The following KERA variants were observed in gnomAD, a reference collection of about 807,000 sequenced individuals.
The protein encoded by KERA is keratocan, also known as keratan sulfate proteoglycan keratocan.
KERA carries 25 observed loss-of-function variants against 26.4 expected under a neutral mutation model. The ratio of observed to expected loss-of-function variants is 0.95; its 90% CI spans 0.69 to 1.32. The LOEUF is 1.32. Among genes scored for constraint, KERA ranks in the 40% most tolerant of loss-of-function variants. KERA has a pLI of 0.00. For synonymous variants in KERA, 167 were observed against 146.1 expected (o/e 1.14, Z -1.03); for missense variants, 434 against 408.9 (o/e 1.06, Z -0.53).
At chr12:91,057,333 A>G (rs1345465255) in intron 1 of KERA, among the ~76,000 whole-genome samples, 1 of 145,204 alleles carries the variant, frequency 6.9e-6, no homozygotes, top group African/African-American at 2.5e-5. Context: ...ATATACATAT[A>G]TATTTTAATA....
At chr12:91,055,080 AC>A (rs1405466492) in intron 2 of KERA, among the ~76,000 whole-genome samples, 1 of 151,098 alleles carries the variant, frequency 6.6e-6, no homozygotes, top group African/African-American at 2.4e-5. Flanking sequence ...AAATAAGCCT[AC>A]CCAATGGGGC....
At chr12:91,057,413 G>A (rs983512728) in intron 1 of KERA, among the ~76,000 whole-genome samples, 2 of 149,310 alleles carry the variant, frequency 1.3e-5, no homozygotes, top group Admixed American at 6.7e-5. Flanking sequence ...TCTGACCAAT[G>A]TACATTTATT....
At chr12:91,052,338 T>C (rs1450584128) in intron 2 of KERA, among the ~76,000 whole-genome samples, 1 of 151,488 alleles carries the variant, frequency 6.6e-6, no homozygotes, top group Non-Finnish European at 1.5e-5. Flanking sequence ...ACAGCTGATT[T>C]CAACCATGAA....
intron 2 of KERA, 58 bp from the exon 3 acceptor site, chr12:91,051,576 G>A: frequency 7.6e-7 from 1 of 1,322,944 alleles, no homozygotes; most frequent in South Asian, 1.2e-5. Flanking sequence ...CTAACAGTGG[G>A]AAGACCAAAA....
chr12:91,054,076 A>G (rs1000377132), intron 2 of KERA, among the ~76,000 whole-genome samples: 2 of 151,314 alleles, frequency 1.3e-5, no homozygotes, highest in African/African-American at 2.4e-5. Context: ...TTTTGACTAC[A>G]GGATTAAACA....
In KERA at chr12:91,051,169, G is replaced by A. The variant is rs1204338930; in HGVS notation, c.*177C>T. On this transcript the variant is annotated 3_prime_UTR_variant, in exon 3 of 3. Coordinates refer to ENST00000266719, the MANE Select transcript of KERA (RefSeq NM_007035.4). ...TTAAAAGAAAAGCAAATTAATGCAG[G>A]CTGTGATGCATGTAACTGGCAAAAG... The A allele has an allele frequency of 1.7e-6, 1 of 599,860 alleles. No individual in the cohort carries two copies. Among genetic ancestry groups the A allele is most frequent in the Non-Finnish European group, 3.0e-6 (1 of 330,440 alleles). 37.2% of individuals were successfully genotyped at this position (599,860 alleles called of 1,614,324 possible).
At chr12:91,052,467 C>T (rs1878891967) in intron 2 of KERA, among the ~76,000 whole-genome samples, 1 of 151,588 alleles carries the variant, frequency 6.6e-6, no homozygotes, top group Admixed American at 6.6e-5. Context: ...TATATAGATT[C>T]ATATTGTAGT....
At position 91,055,666 on chromosome 12, in the gene KERA, T is replaced by G; in HGVS notation, c.616A>C (p.Asn206His). The G allele has an allele frequency of 6.2e-7, 1 of 1,611,384 alleles. No individual in the cohort carries two copies. The highest frequency in any genetic ancestry group is 8.5e-7 in the Non-Finnish European group (1 of 1,178,222). The change falls in exon 2 of 3, where the codon AAT becomes CAT. Residue 206 changes from asparagine (N) to histidine (H), a missense_variant. Coordinates refer to ENST00000266719, the MANE Select transcript of KERA (RefSeq NM_007035.4). ...QLNMAKNALR[N>H]MPPRLPANTM... ...TTGGCTGGTAATCTTGGAGGCATAT[T>G]CCTCAGGGCATTCTTGGCCATGTTT...
intron 2 of KERA, among the ~76,000 whole-genome samples, chr12:91,052,858 T>G (rs1003844265): frequency 8.4e-5 from 12 of 143,002 alleles, no homozygotes; most frequent in Non-Finnish European, 1.5e-5. Flanking sequence ...TGTCCCATAA[T>G]CAATGTATGT....
At position 91,050,732 on chromosome 12, in the gene KERA, C is replaced by A. The variant is rs915677068; in HGVS notation, c.*614G>T. 6.6e-6 allele frequency: 1 copy of A among 152,186 alleles called. No individual in the cohort carries two copies. The highest frequency in any genetic ancestry group is 1.5e-5 in the Non-Finnish European group (1 of 67,884). The allele number at this position is 152,186 out of a possible 1,614,324, so 9.4% of individuals were successfully genotyped here. The stretch of plus-strand genomic sequence containing the variant: ...AGTGGACTATATCTAAAAACAACAG[C>A]TACAAGAAATGGTAATGAACTAGAA... On this transcript the variant is annotated 3_prime_UTR_variant, in exon 3 of 3. Transcript: ENST00000266719.
At chr12:91,056,346 T>C (rs1879005676) in intron 1 of KERA, 57 bp from the exon 2 acceptor site, 11 of 1,358,302 alleles carry the variant, frequency 8.1e-6, no homozygotes, top group Non-Finnish European at 1.1e-5. Context: ...TTTAGATAAT[T>C]TTATACATCA....
chr12:91,054,634 C>A (rs911211368), intron 2 of KERA, among the ~76,000 whole-genome samples: 1 of 151,322 alleles, frequency 6.6e-6, no homozygotes, highest in Non-Finnish European at 1.5e-5. Flanking sequence ...TTGAATTCAT[C>A]TCTCACTCCC....
At chr12:91,051,543 A>T (rs1481037064) in intron 2 of KERA, 25 bp from the exon 3 acceptor site, 1 of 1,552,060 alleles carries the variant, frequency 6.4e-7, no homozygotes, top group South Asian at 1.1e-5. Context: ...AGAATAGATG[A>T]ATGAATTGGA....
chr12:91,057,004 T>C (rs1419984828), intron 1 of KERA, among the ~76,000 whole-genome samples: 1 of 150,444 alleles, frequency 6.6e-6, no homozygotes, highest in Non-Finnish European at 1.5e-5. Flanking sequence ...TCTCAGAGAA[T>C]ATGTATATTC....
At position 91,051,278 on chromosome 12, in the gene KERA, T is replaced by C; in HGVS notation, c.*68A>G. The C allele has an allele frequency of 3.0e-6, 4 of 1,313,984 alleles. No homozygotes were observed. Among genetic ancestry groups the C allele is most frequent in the Non-Finnish European group, 4.4e-6 (4 of 911,750 alleles). The allele number at this position is 1,313,984 out of a possible 1,614,324, so 81.4% of individuals were successfully genotyped here. Reference sequence around the variant, plus strand: ...GAATATGACTTGTGTCCTAAACCTATTAATGGTAACCACATTTCATGTCAG... The same window carrying C: ...GAATATGACTTGTGTCCTAAACCTACTAATGGTAACCACATTTCATGTCAG... On this transcript the variant is annotated 3_prime_UTR_variant, in exon 3 of 3. Coordinates refer to ENST00000266719, the MANE Select transcript of KERA (RefSeq NM_007035.4).
chr12:91,055,355 A>T (rs769331262), intron 2 of KERA, 41 bp downstream of exon 2: 2 of 1,542,522 alleles, frequency 1.3e-6, no homozygotes, highest in Non-Finnish European at 1.8e-6. Flanking sequence ...TTTAATGACC[A>T]TGAGCCCTTT....
Position 91,055,907 on chromosome 12 carries a change from G to A in KERA, c.375C>T (p.Phe125=). ...GALSQLKKLL[F]LFLEDNELEE... is the part of the protein sequence containing the mutation. ...CTAGCTCATTATCTTCCAGAAATAA[G>A]AAGAGCAACTTCTTCAGCTGGCTTA... The change falls in exon 2 of 3, where the codon TTC becomes TTT. Residue 125 remains phenylalanine, a synonymous_variant. Coordinates refer to ENST00000266719, the MANE Select transcript of KERA (RefSeq NM_007035.4). 6.2e-7 allele frequency: 1 copy of A among 1,611,210 alleles called. No individual in the cohort carries two copies. The highest frequency in any genetic ancestry group is 8.5e-7 in the Non-Finnish European group (1 of 1,178,208).
At chr12:91,053,911 G>T (rs1565744881) in intron 2 of KERA, among the ~76,000 whole-genome samples, 1 of 151,286 alleles carries the variant, frequency 6.6e-6, no homozygotes, top group Admixed American at 6.6e-5. Flanking sequence ...TCAATTGTCC[G>T]TGGGGCTTTT....
chr12:91,053,518 C>G (rs1011773182), intron 2 of KERA, among the ~76,000 whole-genome samples: 3 of 151,280 alleles, frequency 2.0e-5, no homozygotes, highest in Non-Finnish European at 4.4e-5. Context: ...TAGTAGTTCT[C>G]AAATCGTGAG....
Sources: allele counts gnomAD v4.1 joint callset (sites outside exome capture counted in the v4.1 genomes callset), GRCh38; gene constraint gnomAD v4.1.1; transcripts MANE v1.5; gene names NCBI Gene and HGNC (gene_info 2026-07-23, HGNC 2026-07-21).